CAPN15: variants seen among roughly 807,000 people sequenced by gnomAD.
The protein encoded by CAPN15 is calpain 15, also known as calpain-15.
Under a neutral mutation model 97.9 loss-of-function variants are expected in CAPN15, and 53 were observed. The observed-to-expected ratio is 0.54, with a 90% CI of 0.43 to 0.68. The LOEUF (loss-of-function observed/expected upper bound fraction) is 0.68. CAPN15 is among the 30% of genes least tolerant of loss of function. The probability of loss-of-function intolerance (pLI) is 0.00; values close to 1 mark genes in which losing one functional copy is unlikely to be tolerated. For synonymous variants in CAPN15, 922 were observed against 722.5 expected (o/e 1.28, Z -4.43); for missense variants, 1,592 against 1,589.8 (o/e 1.00, Z -0.02).
At chr16:540,744 G>A (rs923732309) in intron 3 of CAPN15, among the ~76,000 whole-genome samples, 7 of 152,192 alleles carry the variant, frequency 4.6e-5, no homozygotes, top group South Asian at 2.1e-4. Flanking sequence ...GCTGGGCTCC[G>A]CCTGCTGCCC....
intron 1 of CAPN15, among the ~76,000 whole-genome samples, chr16:529,038 T>C (rs1408957539): frequency 1.3e-5 from 2 of 152,190 alleles, no homozygotes; most frequent in Non-Finnish European, 2.9e-5. Flanking sequence ...TTTTCTGGCC[T>C]GTCTGGGGGA....
intron 1 of CAPN15, among the ~76,000 whole-genome samples, chr16:529,889 T>C (rs2033124797): frequency 6.6e-6 from 1 of 152,132 alleles, no homozygotes; most frequent in African/African-American, 2.4e-5. Flanking sequence ...GGTTTCCTCA[T>C]AAGACACAGA....
Position 549,447 on chromosome 16 carries a change from G to A in CAPN15, c.1818G>A (p.Glu606=), listed in dbSNP as rs768649783. The A allele has an allele frequency of 1.3e-6, 2 of 1,596,876 alleles. No individual in the cohort carries two copies. The highest frequency in any genetic ancestry group is 3.4e-5 in the Admixed American group (2 of 59,520). The change falls in exon 6 of 14, where the codon GAG becomes GAA. Residue 606 remains glutamate (E), a synonymous_variant. Coordinates refer to ENST00000219611, the MANE Select transcript of CAPN15 (RefSeq NM_005632.3). ...TGGACGACATGCTGCCCTGTGATGA[G>A]GCCGGCTGCCTCCTCTTCTCACAGG... ...VLVDDMLPCD[E]AGCLLFSQAQ... is the part of the protein sequence containing the mutation.
Position 544,277 on chromosome 16 carries a change from G to A in CAPN15, c.-22-2540G>A, listed in dbSNP as rs550852214. ...AGCTGCCGACCAAGTCTGGCACCCC[G>A]GTGTGCCCCGAGAGCTGTCTGGGCA... On this transcript the variant is annotated intron_variant, in intron 3 of 13. Coordinates refer to ENST00000219611, the MANE Select transcript of CAPN15 (RefSeq NM_005632.3). 4.9e-4 allele frequency among the ~76,000 whole-genome samples: 74 copies of A among 152,126 alleles called. 2 individuals carry two copies. In the South Asian group the frequency reaches 0.012, roughly 25 times the overall value.
chr16:551,485 T>G, intron 8 of CAPN15, 27 bp from the exon 9 acceptor site: 1 of 1,603,644 alleles, frequency 6.2e-7, no homozygotes, highest in Non-Finnish European at 8.5e-7. Flanking sequence ...GCAGTGTGGT[T>G]CAGATCCTCA....
intron 1 of CAPN15, among the ~76,000 whole-genome samples, chr16:531,017 C>T (rs2033210571): frequency 6.6e-6 from 1 of 152,250 alleles, no homozygotes; most frequent in Non-Finnish European, 1.5e-5. Context: ...GTTGCCATCC[C>T]CGCCTCCCTG....
At position 547,577 on chromosome 16, in the gene CAPN15, A is replaced by G. The variant is rs538932197; in HGVS notation, c.739A>G (p.Ser247Gly). Reference protein sequence around the residue: ...STLQNNPVPRSRREVPPQLQP... With the variant: ...STLQNNPVPRGRREVPPQLQP... ...CCTGCAGAACAACCCCGTGCCGCGC[A>G]GCCGACGCGAGGTTCCCCCCCAGCT... The change falls in exon 4 of 14, where the codon AGC becomes GGC. Residue 247 changes from serine to glycine, a missense_variant. Physicochemically the swap from Ser to Gly is moderately conservative, Grantham distance 56. Coordinates refer to ENST00000219611, the MANE Select transcript of CAPN15 (RefSeq NM_005632.3). 15 of 1,581,056 alleles carry G rather than the reference A, an allele frequency of 9.5e-6. 1 individual carries two copies. In the South Asian group the frequency reaches 1.7e-4, roughly 18 times the overall value.
Position 534,505 on chromosome 16 carries a change from G to A in CAPN15, c.-137+507G>A, listed in dbSNP as rs190449193. On this transcript the variant is annotated intron_variant, in intron 2 of 13. Transcript: ENST00000219611. ...CCCTGGCCTTGTTTCTTGTAGGGAC[G>A]ATGGGAAGCCCTGTCCTCAGCCCTC... Among the ~76,000 whole-genome samples, 109 of 152,292 alleles carry A rather than the reference G, an allele frequency of 7.2e-4. No individual in the cohort carries two copies. In the Middle Eastern group the frequency reaches 0.01, roughly 14 times the overall value.
chr16:541,468 G>A (rs2034112204), intron 3 of CAPN15, among the ~76,000 whole-genome samples: 1 of 151,856 alleles, frequency 6.6e-6, no homozygotes, highest in Admixed American at 6.6e-5. Context: ...GGGGCCGTGT[G>A]GGGCCTGGTG....
In CAPN15 at chr16:553,885, T is replaced by G; in HGVS notation, c.*369T>G. The G allele has an allele frequency of 5.1e-6, 1 of 196,442 alleles. No individual in the cohort carries two copies. The highest frequency in any genetic ancestry group is 1.0e-5 in the Non-Finnish European group (1 of 97,092). The allele number at this position is 196,442 out of a possible 1,614,324, so 12.2% of individuals were successfully genotyped here. A position where few individuals can be genotyped will look rare whatever the true frequency, so the allele number is the denominator to read the frequency against. ...GGAGCTCTGTCCGCAAAACCAAATC[T>G]GGGTGTCAGAGGCCAAGACCCTGGG... On this transcript the variant is annotated 3_prime_UTR_variant, in exon 14 of 14. Coordinates refer to ENST00000219611, the MANE Select transcript of CAPN15 (RefSeq NM_005632.3).
At chr16:540,259 T>C (rs2034020805) in intron 3 of CAPN15, 1 of 985,386 alleles carries the variant, frequency 1.0e-6, no homozygotes, top group Non-Finnish European at 1.2e-6. Flanking sequence ...GGGACCGCCC[T>C]ACCCGGGTCC....
At chr16:533,771 C>T (rs960711546) in intron 1 of CAPN15, among the ~76,000 whole-genome samples, 175 bp from the exon 2 acceptor site, 5 of 152,162 alleles carry the variant, frequency 3.3e-5, no homozygotes, top group Admixed American at 1.3e-4. Context: ...CTTTGGCGCT[C>T]GGACAGACAC....
chr16:540,124 G>A (rs945446807), intron 3 of CAPN15: 13 of 985,294 alleles, frequency 1.3e-5, no homozygotes, highest in East Asian at 1.1e-4. Flanking sequence ...TCCATGCTCC[G>A]CTTCGCCCGC....
At chr16:533,846 C>A in intron 1 of CAPN15, 100 bp from the exon 2 acceptor site, 1 of 494,076 alleles carries the variant, frequency 2.0e-6, no homozygotes, top group Non-Finnish European at 2.6e-6. Context: ...TCCCGGGACT[C>A]TGGCTCCTGC....
At position 554,053 on chromosome 16, in the gene CAPN15, G is replaced by A; in HGVS notation, c.*537G>A. On this transcript the variant is annotated 3_prime_UTR_variant, in exon 14 of 14. Transcript: ENST00000219611. ...CGGGGCGGTGCCTGTCTCAGAAGAA[G>A]GGGCCCTTGGCCAGCCCCCCAGCGA... The A allele has an allele frequency of 5.6e-6, 1 of 178,092 alleles. No homozygotes were observed. Among genetic ancestry groups the A allele is most frequent in the Admixed American group, 5.5e-5 (1 of 18,194 alleles). The allele number at this position is 178,092 out of a possible 1,614,324, so 11.0% of individuals were successfully genotyped here.
rs565888104 is a variant in CAPN15 at position 547,597 on chromosome 16, C to A, written c.759C>A (p.Pro253=). The A allele has an allele frequency of 3.8e-6, 6 of 1,574,582 alleles. No homozygotes were observed. Among genetic ancestry groups the A allele is most frequent in the African/African-American group, 2.7e-5 (2 of 74,310 alleles). Residue 253 remains proline (P), a synonymous_variant, in exon 4 of 14, where the codon CCC becomes CCA. Coordinates refer to ENST00000219611, the MANE Select transcript of CAPN15 (RefSeq NM_005632.3). ...CGCGCAGCCGACGCGAGGTTCCCCC[C>A]CAGCTGCAGCCACCGGTGCCTGAGG... is the stretch of plus-strand genomic sequence containing the variant. ...PVPRSRREVP[P]QLQPPVPEAA...
In CAPN15 at chr16:549,649, A is replaced by C. The variant is rs1251040698; in HGVS notation, c.1877A>C (p.Glu626Ala). The C allele has an allele frequency of 6.4e-7, 1 of 1,556,834 alleles. No individual in the cohort carries two copies. The highest frequency in any genetic ancestry group is 8.6e-7 in the Non-Finnish European group (1 of 1,156,200). ...QRKQLWVALI[E>A]KALAKLHGSY... Reference sequence around the variant, plus strand: ...AAGCAGCTGTGGGTGGCCCTCATCGAGAAGGCGCTGGCCAAGCTGCACGGC... The same window carrying C: ...AAGCAGCTGTGGGTGGCCCTCATCGCGAAGGCGCTGGCCAAGCTGCACGGC... Residue 626 changes from glutamate (E) to alanine (A), a missense_variant, in exon 7 of 14, where the codon GAG (glutamate) becomes GCG (alanine). By Grantham distance (107) the Glu-to-Ala change is moderately radical. Around this residue, in one of 3 missense-constraint regions of CAPN15, gnomAD observed 644 missense variants for 699.6 expected, o/e 0.92. Coordinates refer to ENST00000219611, the MANE Select transcript of CAPN15 (RefSeq NM_005632.3).
intron 7 of CAPN15, among the ~76,000 whole-genome samples, chr16:550,923 G>T (rs1386717586): frequency 7.9e-6 from 1 of 125,938 alleles, no homozygotes; most frequent in African/African-American, 3.9e-5. Context: ...GTCAGTGAGG[G>T]TCCCCTTTCG....
Position 547,466 on chromosome 16 carries a change from G to C in CAPN15, c.628G>C (p.Glu210Gln). The change falls in exon 4 of 14, where the codon GAG becomes CAG. Residue 210 changes from glutamate to glutamine, a missense_variant. By Grantham distance (29) the Glu-to-Gln change is conservative. Around this residue, in one of 3 missense-constraint regions of CAPN15, gnomAD observed 883 missense variants for 776.6 expected, o/e 1.14. Coordinates refer to ENST00000219611, the MANE Select transcript of CAPN15 (RefSeq NM_005632.3). ...ACCTGGCCTCCCCGGGGAAGGTGCC[G>C]AGGCCAACCCCCCAGCCACCAGCCA... The part of the protein sequence containing the change: ...PPPGLPGEGA[E>Q]ANPPATSQGP... The C allele has an allele frequency of 1.3e-6, 2 of 1,594,354 alleles. No homozygotes were observed. The highest frequency in any genetic ancestry group is 1.7e-6 in the Non-Finnish European group (2 of 1,177,438).
Sources: allele counts gnomAD v4.1 joint callset (sites outside exome capture counted in the v4.1 genomes callset), GRCh38; gene constraint gnomAD v4.1.1; regional missense constraint gnomAD v4.1.1; transcripts MANE v1.5; gene names NCBI Gene and HGNC (gene_info 2026-07-23, HGNC 2026-07-21).